MUC4: variants seen among roughly 807,000 people sequenced by gnomAD.
MUC4 encodes mucin 4, cell surface associated, also known as mucin-4.
A neutral mutation model predicts 257.9 loss-of-function variants in MUC4; 202 were observed. The ratio of observed to expected loss-of-function variants is 0.78; its 90% CI spans 0.70 to 0.88. The LOEUF (loss-of-function observed/expected upper bound fraction) is 0.88, where lower values mean the gene tolerates loss of function less well. Among genes scored for constraint, MUC4 ranks in the 40% least tolerant of loss-of-function variants. The pLI, the probability that MUC4 is intolerant of heterozygous loss-of-function variation, is 0.00. For missense variants in MUC4, 5,976 were observed against 6,513.7 expected, an observed-to-expected ratio of 0.92 and a Z score of 2.84; for synonymous variants, 2,351 against 2,757.1, an observed-to-expected ratio of 0.85 and a Z score of 4.62.
At position 195,780,318 on chromosome 3, in the gene MUC4, G is replaced by C. The variant is rs529195440; in HGVS notation, c.11262C>G (p.Ser3754=). 6.8e-7 allele frequency: 1 copy of C among 1,464,104 alleles called. No homozygotes were observed. The highest frequency in any genetic ancestry group is 1.6e-5 in the African/African-American group (1 of 63,940). 90.7% of individuals were successfully genotyped at this position (1,464,104 alleles called of 1,614,324 possible). The stretch of plus-strand genomic sequence containing the variant: ...CAAGAAGAGGGGTGGCGTGACCTGT[G>C]GATGCTGAGGAAGTGCTGGTGACAG... The part of the protein sequence containing the change: ...PLPVTSTSSA[S]TGHATPLLVT... Residue 3754 remains serine, a synonymous_variant, in exon 2 of 25, where the codon TCC becomes TCG. Coordinates refer to ENST00000463781, the MANE Select transcript of MUC4 (RefSeq NM_018406.7).
At chr3:195,809,746 T>G (rs903760631) in intron 1 of MUC4, 2 of 152,322 alleles carry the variant, frequency 1.3e-5, no homozygotes, top group African/African-American at 4.8e-5. Flanking sequence ...TGGAGCTGAG[T>G]GTCCAGCTGG....
Position 195,784,462 on chromosome 3 carries a change from C to A in MUC4, c.7118G>T (p.Ser2373Ile), listed in dbSNP as rs749606220. ...TGDTTPLPVT[S>I]SSSASSGHTT... ...GTGACCTGAGGATGCTGAGGAAGAG[C>A]TGGTGACAGGAAGAGGGGTGGTGTC... The change falls in exon 2 of 25, where the codon AGC becomes ATC. Residue 2373 changes from serine to isoleucine, a missense_variant. Physicochemically the swap from Ser to Ile is moderately radical, Grantham distance 142. Around this residue, in one of 44 missense-constraint regions of MUC4, gnomAD observed 35 missense variants for 64.3 expected, o/e 0.54. Coordinates refer to ENST00000463781, the MANE Select transcript of MUC4 (RefSeq NM_018406.7). 3 of 1,263,986 alleles carry A rather than the reference C, an allele frequency of 2.4e-6. 1 individual carries two copies. In the African/African-American group the frequency reaches 8.0e-5, roughly 34 times the overall value. The allele number at this position is 1,263,986 out of a possible 1,614,324, so 78.3% of individuals were successfully genotyped here.
chr3:195,798,654 A>G (rs1279308138), intron 1 of MUC4, among the ~76,000 whole-genome samples: 1 of 152,070 alleles, frequency 6.6e-6, no homozygotes, highest in East Asian at 1.9e-4. Context: ...CAGTGAGCCG[A>G]GATTGCACCA....
At position 195,789,252 on chromosome 3, in the gene MUC4, A is replaced by G. The variant is rs769823998; in HGVS notation, c.2328T>C (p.Ala776=). 1 of 1,613,856 alleles carries G rather than the reference A, an allele frequency of 6.2e-7. No individual in the cohort carries two copies. ...TTTGTCCAGAGGCCTCTGTGCTCTC[A>G]GCCTGGTGGGTATGGGTCATGGCTG... The part of the protein sequence containing the change: ...TAAAMTHTHQ[A]ESTEASGQTQ... The change falls in exon 2 of 25, where the codon GCT becomes GCC. Residue 776 remains alanine, a synonymous_variant. Transcript: ENST00000463781.
intron 5 of MUC4, 180 bp from the exon 6 acceptor site, chr3:195,770,551 C>A: frequency 1.5e-6 from 1 of 669,672 alleles, no homozygotes. Flanking sequence ...CAAACTTGGG[C>A]TGCAGGAAGG....
chr3:195,771,887 C>T (rs1722957992), intron 4 of MUC4, 71 bp from the exon 5 acceptor site: 1 of 1,543,200 alleles, frequency 6.5e-7, no homozygotes, highest in East Asian at 2.3e-5. Flanking sequence ...CTTGGTCCAG[C>T]TCCTCAAAAG....
In MUC4 at chr3:195,780,328, G is replaced by GAAGTGTTGGTGAC. The variant is rs1726909495; in HGVS notation, c.11251_11252insGTCACCAACACTT (p.Ser3751CysfsTer43). 6.5e-7 allele frequency: 1 copy of GAAGTGTTGGTGAC among 1,528,084 alleles called. No homozygotes were observed. Among genetic ancestry groups the GAAGTGTTGGTGAC allele is most frequent in the Non-Finnish European group, 8.8e-7 (1 of 1,132,502 alleles). 94.7% of individuals were successfully genotyped at this position (1,528,084 alleles called of 1,614,324 possible). On this transcript the variant is annotated frameshift_variant, in exon 2 of 25. Coordinates refer to ENST00000463781, the MANE Select transcript of MUC4 (RefSeq NM_018406.7). LOFTEE classifies it high-confidence loss of function. ...GGTGGCGTGACCTGTGGATGCTGAG[G>GAAGTGTTGGTGAC]AAGTGCTGGTGACAGGAAGAGGGGT...
chr3:195,797,948 TAAAAAATA>T (rs1202740806), intron 1 of MUC4, among the ~76,000 whole-genome samples: 1 of 151,384 alleles, frequency 6.6e-6, no homozygotes, highest in Admixed American at 6.6e-5. Context: ...TCTACAGAAA[TAAAAAATA>T]AAAAAATAAA....
rs552098710 is a variant in MUC4 at position 195,806,827 on chromosome 3, G to A, written c.82+4909C>T. Among the ~76,000 whole-genome samples the A allele has an allele frequency of 5.9e-4, 90 of 152,194 alleles. 1 individual carries two copies. Among genetic ancestry groups the A allele is most frequent in the Non-Finnish European group, 9.6e-4 (65 of 68,044 alleles). ...AGCTTTGAAAAGCAGGAACTGTGAC[G>A]CATTCATCTTCCTGTCCAGAGCAGC... On this transcript the variant is annotated intron_variant, in intron 1 of 24. Transcript: ENST00000463781.
Position 195,789,680 on chromosome 3 carries a change from C to A in MUC4, c.1900G>T (p.Val634Phe). 2 of 1,613,898 alleles carry A rather than the reference C, an allele frequency of 1.2e-6. No homozygotes were observed. The highest frequency in any genetic ancestry group is 1.7e-6 in the Non-Finnish European group (2 of 1,179,846). Residue 634 changes from valine to phenylalanine, a missense_variant, in exon 2 of 25, where the codon GTT (valine) becomes TTT (phenylalanine). By Grantham distance (50) the Val-to-Phe change is conservative (BLOSUM62 -1). Transcript: ENST00000463781. ...GCTTGAGTGTGACCCCTTTGGGAAA[C>A]AGCTGGTGATTCCTGAGGAGAGGTG... is the stretch of plus-strand genomic sequence containing the variant. ...TSTSPQESPA[V>F]SQRGHTQAPQ...
chr3:195,768,879 C>T (rs1451970354), intron 7 of MUC4, 143 bp downstream of exon 7: 18 of 1,098,744 alleles, frequency 1.6e-5, no homozygotes, highest in African/African-American at 3.1e-5. Flanking sequence ...CTGGCCCCAG[C>T]GGGAGCTGGA....
At position 195,782,991 on chromosome 3, in the gene MUC4, G is replaced by A. The variant is rs1459633565; in HGVS notation, c.8589C>T (p.Thr2863=). 25 of 1,474,850 alleles carry A rather than the reference G, an allele frequency of 1.7e-5. 1 individual carries two copies. Among genetic ancestry groups the A allele is most frequent in the Non-Finnish European group, 2.3e-5 (25 of 1,096,536 alleles). 91.4% of individuals were successfully genotyped at this position (1,474,850 alleles called of 1,614,324 possible). The change falls in exon 2 of 25, where the codon ACC becomes ACT. Residue 2863 remains threonine, a synonymous_variant. Transcript: ENST00000463781. ...AGGAAGCGTCGGTGACAGGAAGAGA[G>A]GTGGCGTGACCTGTGGACACTGAGG... ...DASSVSTGHA[T]SLPVTDASSV...
At chr3:195,808,170 A>C (rs921964900) in intron 1 of MUC4, among the ~76,000 whole-genome samples, 1 of 152,050 alleles carries the variant, frequency 6.6e-6, no homozygotes, top group African/African-American at 2.4e-5. Context: ...TCCGGGTTCA[A>C]TCACCCTCCT....
chr3:195,766,021 C>T (rs1178432259), intron 8 of MUC4, among the ~76,000 whole-genome samples: 4 of 152,042 alleles, frequency 2.6e-5, no homozygotes, highest in Non-Finnish European at 5.9e-5. Context: ...AGTGCAGTGG[C>T]GCGATCTCGG....
At position 195,747,079 on chromosome 3, in the gene MUC4, TC is replaced by T; in HGVS notation, c.*96del. On this transcript the variant is annotated 3_prime_UTR_variant, in exon 25 of 25. Coordinates refer to ENST00000463781, the MANE Select transcript of MUC4 (RefSeq NM_018406.7). ...CTTGAAGAATCCTGACAGCCTTCAG[TC>T]ACCTTCCCTTTTCCAGTCTCCCAAA... The T allele has an allele frequency of 6.7e-7, 1 of 1,490,798 alleles. No individual in the cohort carries two copies. The highest frequency in any genetic ancestry group is 1.2e-5 in the South Asian group (1 of 85,004). The allele number at this position is 1,490,798 out of a possible 1,614,324, so 92.3% of individuals were successfully genotyped here. A position where few individuals can be genotyped will look rare whatever the true frequency, so the allele number is the denominator to read the frequency against.
intron 4 of MUC4, 120 bp downstream of exon 4, chr3:195,774,052 A>T: frequency 3.1e-6 from 4 of 1,289,936 alleles, no homozygotes; most frequent in Non-Finnish European, 3.1e-6. Context: ...GGCTGTGGGG[A>T]TGGACGAGGG....
Position 195,770,960 on chromosome 3 carries a change from G to A in MUC4, c.13243-589C>T. 3 of 433,658 alleles carry A rather than the reference G, an allele frequency of 6.9e-6. No homozygotes were observed. In the Admixed American group the frequency reaches 7.4e-5, roughly 11 times the overall value. 26.9% of individuals were successfully genotyped at this position (433,658 alleles called of 1,614,324 possible). A position where few individuals can be genotyped will look rare whatever the true frequency, so the allele number is the denominator to read the frequency against. Reference sequence around the variant, plus strand: ...CTGTAGGTCTTCTCGTGGCCGGGTTGGGGTATTCCTGGTCAGTCTCGCGGC... The same window carrying A: ...CTGTAGGTCTTCTCGTGGCCGGGTTAGGGTATTCCTGGTCAGTCTCGCGGC... On this transcript the variant is annotated intron_variant, in intron 5 of 24. Transcript: ENST00000463781.
rs1718764128 is a variant in MUC4, at chr3:195,760,963, G to A, written c.14769C>T (p.Thr4923=). 1.2e-6 allele frequency: 2 copies of A among 1,614,130 alleles called. No homozygotes were observed. Among genetic ancestry groups the A allele is most frequent in the South Asian group, 1.1e-5 (1 of 91,082 alleles). The change falls in exon 16 of 25, where the codon ACC becomes ACT. Residue 4923 remains threonine, a synonymous_variant. Transcript: ENST00000463781. ...CGATGCTTGCGTTGCGCAGGGCCAG[G>A]GTGTCATAGATGCATGAGCTATCTC... The part of the protein sequence containing the change: ...CDGDSSCIYD[T]LALRNASIGL...
At position 195,782,589 on chromosome 3, in the gene MUC4, G is replaced by A. The variant is rs191234888; in HGVS notation, c.8991C>T (p.Asp2997=). ...TGHATLLPVT[D]TSSASIGHAT... is the part of the protein sequence containing the mutation. Reference sequence around the variant, plus strand: ...CGTGACCTATGGATGCTGAGGAAGTGTCGGTGACAGGAAGAAGGGTGGCGT... The same window carrying A: ...CGTGACCTATGGATGCTGAGGAAGTATCGGTGACAGGAAGAAGGGTGGCGT... The change falls in exon 2 of 25, where the codon GAC becomes GAT. Residue 2997 remains aspartate (D), a synonymous_variant. Transcript: ENST00000463781. 9.9e-6 allele frequency: 9 copies of A among 908,106 alleles called. No homozygotes were observed. In the African/African-American group the frequency reaches 1.1e-4, roughly 11 times the overall value. 56.3% of individuals were successfully genotyped at this position (908,106 alleles called of 1,614,324 possible).
Sources: gnomAD v4.1 joint callset for allele counts (sites outside exome capture counted in the v4.1 genomes callset) on GRCh38, gnomAD v4.1.1 for gene constraint, gnomAD v4.1.1 regional missense constraint, MANE v1.5 for transcripts, NCBI Gene and HGNC (gene_info 2026-07-23, HGNC 2026-07-21) for gene names.